The following UCHL5 variants were observed in gnomAD, a reference collection of about 807,000 sequenced individuals.
UCHL5 encodes the protein ubiquitin C-terminal hydrolase L5, also known as ubiquitin carboxyl-terminal hydrolase isozyme L5.
In UCHL5, 34 loss-of-function variants were observed where a neutral mutation model predicts 53.8. The ratio of observed to expected loss-of-function variants is 0.63; its 90% CI spans 0.48 to 0.84. The LOEUF (loss-of-function observed/expected upper bound fraction) is 0.84. UCHL5 is among the 40% of genes least tolerant of loss of function. The pLI, the probability that UCHL5 is intolerant of heterozygous loss-of-function variation, is 0.00. For missense variants in UCHL5, 290 were observed against 385.6 expected (o/e 0.75, Z 2.08); for synonymous variants, 111 against 126.3 (o/e 0.88, Z 0.81).
At chr1:193,046,131 A>C (rs948609367) in intron 3 of UCHL5, among the ~76,000 whole-genome samples, 1 of 152,012 alleles carries the variant, frequency 6.6e-6, no homozygotes, top group African/African-American at 2.4e-5. Flanking sequence ...TCCTGGGCTC[A>C]GGCAATCCTC....
intron 10 of UCHL5, among the ~76,000 whole-genome samples, chr1:193,019,113 T>C (rs959051901): frequency 6.6e-6 from 1 of 151,650 alleles, no homozygotes; most frequent in African/African-American, 2.4e-5. Flanking sequence ...ATTAAGCACT[T>C]AATTCCCACC....
intron 3 of UCHL5, among the ~76,000 whole-genome samples, chr1:193,041,901 A>C (rs1341543653): frequency 6.6e-6 from 1 of 152,148 alleles, no homozygotes; most frequent in African/African-American, 2.4e-5. Flanking sequence ...AGATGGGAGA[A>C]TCATTTGAGT....
At chr1:193,026,758 C>T (rs1659404051) in intron 7 of UCHL5, among the ~76,000 whole-genome samples, 1 of 151,072 alleles carries the variant, frequency 6.6e-6, no homozygotes, top group African/African-American at 2.4e-5. Context: ...GCATTTATCC[C>T]AGAGAAATGA....
chr1:193,057,996 G>A (rs1227091348), intron 1 of UCHL5, among the ~76,000 whole-genome samples: 2 of 152,278 alleles, frequency 1.3e-5, no homozygotes, highest in East Asian at 1.9e-4. Flanking sequence ...TTGGGAGGCC[G>A]AGGCGGGTGG....
chr1:193,058,842 C>T (rs557018997), intron 1 of UCHL5, among the ~76,000 whole-genome samples: 2 of 152,308 alleles, frequency 1.3e-5, no homozygotes, highest in African/African-American at 2.4e-5. Flanking sequence ...AAGGTGCGCG[C>T]CGCAGAGAAG....
At chr1:193,037,128 GAA>G (rs1486156590) in intron 3 of UCHL5, among the ~76,000 whole-genome samples, 1 of 151,166 alleles carries the variant, frequency 6.6e-6, no homozygotes, top group Non-Finnish European at 1.5e-5. Context: ...TTATTAGAAG[GAA>G]AGAAATAATA....
intron 3 of UCHL5, among the ~76,000 whole-genome samples, chr1:193,042,933 A>C (rs1295512416): frequency 4.6e-5 from 7 of 151,974 alleles, no homozygotes; most frequent in Admixed American, 4.6e-4. Flanking sequence ...AACTCAAATG[A>C]CTGAGTTTTG....
chr1:193,024,872 T>G (rs1571524281), intron 7 of UCHL5, among the ~76,000 whole-genome samples: 2 of 152,272 alleles, frequency 1.3e-5, no homozygotes, highest in East Asian at 3.9e-4. Context: ...TATAGTAATT[T>G]GAACTATGTA....
Position 193,031,656 on chromosome 1 carries a change from C to T in UCHL5, c.247-1999G>A, listed in dbSNP as rs151294756. Among the ~76,000 whole-genome samples, 329 of 152,244 alleles carry T rather than the reference C, an allele frequency of 2.2e-3. 2 individuals carry two copies. The highest frequency in any genetic ancestry group is 7.7e-3 in the African/African-American group (322 of 41,562). On this transcript the variant is annotated intron_variant, in intron 3 of 10. Coordinates refer to ENST00000367454, the MANE Select transcript of UCHL5 (RefSeq NM_001199261.3). ...AAACAAAAGAAAATTTAAAGGTGTA[C>T]AGCCATTCATTCATTCATTCAAATA...
At chr1:193,057,037 G>C (rs1010972619) in intron 1 of UCHL5, among the ~76,000 whole-genome samples, 1 of 152,130 alleles carries the variant, frequency 6.6e-6, no homozygotes, top group Non-Finnish European at 1.5e-5. Flanking sequence ...AACTTACCTA[G>C]TACAACATTT....
At chr1:193,058,814 A>G (rs537232115) in intron 1 of UCHL5, among the ~76,000 whole-genome samples, 1 of 152,278 alleles carries the variant, frequency 6.6e-6, no homozygotes, top group Non-Finnish European at 1.5e-5. Context: ...AATGCACTTG[A>G]CCTCACCAGC....
At position 193,029,212 on chromosome 1, in the gene UCHL5, A is replaced by C. The variant is rs1161132731; in HGVS notation, c.532T>G (p.Leu178Val). ...YVPVNGRLYE[L>V]DGLREGPIDL... The stretch of plus-strand genomic sequence containing the variant: ...ATCGGTCCTTCTCTTAATCCATCTA[A>C]TTCATACAGTCTCCCATTAACAGGA... Residue 178 changes from leucine to valine, a missense_variant, in exon 6 of 11, where the codon TTA (leucine) becomes GTA (valine). Transcript: ENST00000367454. 1 of 1,613,674 alleles carries C rather than the reference A, an allele frequency of 6.2e-7. No homozygotes were observed.
At chr1:193,023,234 C>T (rs767716726) in intron 8 of UCHL5, among the ~76,000 whole-genome samples, 198 bp from the exon 9 acceptor site, 5 of 152,124 alleles carry the variant, frequency 3.3e-5, no homozygotes, top group African/African-American at 4.8e-5. Flanking sequence ...TCTAATAATA[C>T]GAATTTTCAT....
upstream of UCHL5, chr1:193,059,644 G>A (rs1327228012): frequency 1.4e-6 from 2 of 1,389,476 alleles, no homozygotes; most frequent in Admixed American, 1.9e-5. This position sits in a 1 kb window ranked among gnomAD's most constrained non-coding sequence, Gnocchi z 4.9. Flanking sequence ...TGGAATCCCC[G>A]GCGGCAGTGG....
In UCHL5 at chr1:193,012,441, A is replaced by G. The variant is rs1270089835; in HGVS notation, c.*3910T>C. The G allele has an allele frequency of 1.3e-5, 2 of 152,208 alleles. No individual in the cohort carries two copies. Among genetic ancestry groups the G allele is most frequent in the Non-Finnish European group, 2.9e-5 (2 of 68,036 alleles). The allele number at this position is 152,208 out of a possible 1,614,324, so 9.4% of individuals were successfully genotyped here. ...TCCAACATTAATAAACCATTTAACC[A>G]TCAAACATGATTGCAAATTAATATT... On this transcript the variant is annotated 3_prime_UTR_variant, in exon 11 of 11. Transcript: ENST00000367454.
rs530228226 is a variant in UCHL5, at chr1:193,052,048, C to T, written c.77-231G>A. Among the ~76,000 whole-genome samples the T allele has an allele frequency of 3.3e-5, 5 of 152,238 alleles. No individual in the cohort carries two copies. In the South Asian group the frequency reaches 1.0e-3, roughly 32 times the overall value. On this transcript the variant is annotated intron_variant, in intron 1 of 10. Transcript: ENST00000367454. The stretch of plus-strand genomic sequence containing the variant: ...AGTTTATTTTCATTGAATTACCACT[C>T]TATGACTGTTCCTTCTCTCTCTCTC...
At chr1:193,017,908 A>T (rs1002359916) in intron 10 of UCHL5, among the ~76,000 whole-genome samples, 1 of 151,442 alleles carries the variant, frequency 6.6e-6, no homozygotes, top group African/African-American at 2.4e-5. Context: ...AGCTCCAGCT[A>T]ATAAGTAACA....
At chr1:193,048,454 T>C (rs535485849) in intron 3 of UCHL5, among the ~76,000 whole-genome samples, 1 of 152,276 alleles carries the variant, frequency 6.6e-6, no homozygotes, top group South Asian at 2.1e-4. Flanking sequence ...TACAAAATCA[T>C]ACAGGAATAA....
rs1468575585 is a variant in UCHL5, at chr1:193,013,727, T to G, written c.*2624A>C. On this transcript the variant is annotated 3_prime_UTR_variant, in exon 11 of 11. Transcript: ENST00000367454. ...TTGAAATGTTAACGTTACAGGCAAC[T>G]AGGAGGATTAATTGAAAGTATTAAT... The G allele has an allele frequency of 6.6e-6, 1 of 152,072 alleles. No individual in the cohort carries two copies. Among genetic ancestry groups the G allele is most frequent in the African/African-American group, 2.4e-5 (1 of 41,404 alleles). 9.4% of individuals were successfully genotyped at this position (152,072 alleles called of 1,614,324 possible).
Sources: allele counts gnomAD v4.1 joint callset (sites outside exome capture counted in the v4.1 genomes callset), GRCh38; gene constraint gnomAD v4.1.1; non-coding constraint Gnocchi (gnomAD v3.1); transcripts MANE v1.5; gene names NCBI Gene and HGNC (gene_info 2026-07-23, HGNC 2026-07-21).